HSD17B3: variants seen among roughly 807,000 people sequenced by gnomAD.
HSD17B3 encodes the protein 17-beta-hydroxysteroid dehydrogenase type 3.
In HSD17B3, 29 loss-of-function variants were observed where a neutral mutation model predicts 41.1. The ratio of observed to expected loss-of-function variants is 0.71; its 90% confidence interval spans 0.53 to 0.96. The LOEUF is 0.96. HSD17B3 is among the 40% of genes least tolerant of loss of function. HSD17B3 has a pLI of 0.00. For synonymous variants in HSD17B3, 126 were observed against 145.6 expected (o/e 0.87, Z 0.97); for missense variants, 323 against 374.6 (o/e 0.86, Z 1.14).
intron 1 of HSD17B3, 60 bp from the exon 2 acceptor site, chr9:96,298,522 C>G: frequency 6.9e-7 from 1 of 1,444,864 alleles, no homozygotes. Context: ...CTCTTTCTCA[C>G]TGGCCACGTT....
At chr9:96,276,678 G>A (rs926276388) in intron 2 of HSD17B3, among the ~76,000 whole-genome samples, 1 of 152,130 alleles carries the variant, frequency 6.6e-6, no homozygotes, top group Non-Finnish European at 1.5e-5. Flanking sequence ...TTCAACAAAT[G>A]GTGTTGGGAA....
intron 2 of HSD17B3, among the ~76,000 whole-genome samples, chr9:96,267,074 G>A (rs879824506): frequency 1.3e-5 from 2 of 152,062 alleles, no homozygotes; most frequent in Non-Finnish European, 2.9e-5. Context: ...AAGTGTGTAT[G>A]AGCAGTGGCT....
chr9:96,240,993 C>T (rs1836420119), intron 9 of HSD17B3, 86 bp from the exon 10 acceptor site: 1 of 1,498,240 alleles, frequency 6.7e-7, no homozygotes, highest in Non-Finnish European at 9.2e-7. Flanking sequence ...CCCCATCCCA[C>T]CATTTCCCGA....
At chr9:96,235,890 C>T (rs956859879) in intron 10 of HSD17B3, among the ~76,000 whole-genome samples, 1 of 152,006 alleles carries the variant, frequency 6.6e-6, no homozygotes. Flanking sequence ...ACTGCAGCCT[C>T]AACCTCCTGG....
chr9:96,247,842 C>T (rs1191363959), intron 6 of HSD17B3, among the ~76,000 whole-genome samples: 1 of 152,142 alleles, frequency 6.6e-6, no homozygotes, highest in East Asian at 1.9e-4. Context: ...CCCTCAAATG[C>T]ATATTCTCCC....
In HSD17B3 at chr9:96,272,210, A is replaced by G. The variant is rs541015243; in HGVS notation, c.202-17267T>C. Among the ~76,000 whole-genome samples the G allele has an allele frequency of 2.7e-5, 4 of 150,784 alleles. No homozygotes were observed. In the South Asian group the frequency reaches 8.5e-4, roughly 32 times the overall value. On this transcript the variant is annotated intron_variant, in intron 2 of 10. Transcript: ENST00000375263. ...ATGGTGAAACCCCATCTCTACTGAAAACACAAAAATGAGCCAGGTGTGGTG... is the reference window on the plus strand; with the variant it reads ...ATGGTGAAACCCCATCTCTACTGAAGACACAAAAATGAGCCAGGTGTGGTG...
chr9:96,271,432 C>T (rs1366867007), intron 2 of HSD17B3, among the ~76,000 whole-genome samples: 1 of 152,204 alleles, frequency 6.6e-6, no homozygotes, highest in Non-Finnish European at 1.5e-5. Context: ...AACTTGTTCT[C>T]TCCTTCTTCC....
intron 2 of HSD17B3, among the ~76,000 whole-genome samples, chr9:96,277,060 G>T (rs551673821): frequency 1.3e-5 from 2 of 152,164 alleles, no homozygotes; most frequent in South Asian, 4.2e-4. Context: ...AATTAGCTGG[G>T]CGTGGTGGCA....
chr9:96,249,525 A>C, intron 6 of HSD17B3: 1 of 589,384 alleles, frequency 1.7e-6, no homozygotes. Flanking sequence ...GACAAAACTG[A>C]AAGCAGAAAT....
At chr9:96,292,962 G>C (rs953743531) in intron 2 of HSD17B3, among the ~76,000 whole-genome samples, 1 of 152,170 alleles carries the variant, frequency 6.6e-6, no homozygotes, top group Non-Finnish European at 1.5e-5. Flanking sequence ...GAATGAAGGG[G>C]AAATGAAGCC....
At chr9:96,257,027 G>C (rs1383976201) in intron 2 of HSD17B3, among the ~76,000 whole-genome samples, 1 of 152,050 alleles carries the variant, frequency 6.6e-6, no homozygotes. Context: ...TCTTCCTGCT[G>C]CTCCAGGCAT....
rs749816800 is a variant in HSD17B3 at position 96,302,015 on chromosome 9, A to G, written c.90T>C (p.Cys30=). 5.0e-6 allele frequency: 8 copies of G among 1,614,078 alleles called. No individual in the cohort carries two copies. The highest frequency in any genetic ancestry group is 2.7e-5 in the African/African-American group (2 of 74,928). Residue 30 remains cysteine (C), a synonymous_variant, in exon 1 of 11, where the codon TGT becomes TGC. Coordinates refer to ENST00000375263, the MANE Select transcript of HSD17B3 (RefSeq NM_000197.2). ...AAACTTTCCAGTAGTTCAGTAAAAC[A>G]CATCTGGAGAATCTCACGCACTTCG... ...CLAKCVRFSR[C]VLLNYWKVLP... is the part of the protein sequence containing the mutation.
At chr9:96,259,794 A>G (rs150440466) in intron 2 of HSD17B3, among the ~76,000 whole-genome samples, 91 of 151,938 alleles carry the variant, frequency 6.0e-4, no homozygotes, top group East Asian at 3.3e-3. Context: ...TTATTTTTCT[A>G]TATATTCAAT....
chr9:96,287,024 C>T (rs564811171), intron 2 of HSD17B3, among the ~76,000 whole-genome samples: 1 of 152,282 alleles, frequency 6.6e-6, no homozygotes, highest in East Asian at 1.9e-4. Flanking sequence ...CGAGAACACT[C>T]TCTTGGGGTC....
At chr9:96,248,625 G>A (rs1260023598) in intron 6 of HSD17B3, among the ~76,000 whole-genome samples, 2 of 152,204 alleles carry the variant, frequency 1.3e-5, no homozygotes, top group African/African-American at 4.8e-5. Flanking sequence ...TGTGGGGTTA[G>A]TGCAGGTGGG....
chr9:96,280,245 T>C (rs574859354), intron 2 of HSD17B3, among the ~76,000 whole-genome samples: 31 of 152,348 alleles, frequency 2.0e-4, no homozygotes, highest in Non-Finnish European at 2.5e-4. Context: ...TCCATTCGAT[T>C]GGTTGGGAGA....
intron 2 of HSD17B3, among the ~76,000 whole-genome samples, chr9:96,294,871 T>G (rs1827286195): frequency 6.6e-6 from 1 of 152,110 alleles, no homozygotes; most frequent in South Asian, 2.1e-4. Flanking sequence ...TGTTCACCAG[T>G]AAGTTGCTAT....
chr9:96,267,443 T>C (rs1277892934), intron 2 of HSD17B3, among the ~76,000 whole-genome samples: 3 of 151,952 alleles, frequency 2.0e-5, no homozygotes, highest in Non-Finnish European at 2.9e-5. Context: ...CAGGTGTGAG[T>C]CACCGTGCCT....
intron 2 of HSD17B3, among the ~76,000 whole-genome samples, chr9:96,259,487 C>T (rs1050103742): frequency 6.6e-6 from 1 of 152,162 alleles, no homozygotes; most frequent in African/African-American, 2.4e-5. Flanking sequence ...CTTTGGGAGG[C>T]CGAGGTGGGC....
Sources: gnomAD v4.1 joint callset for allele counts (sites outside exome capture counted in the v4.1 genomes callset) on GRCh38, gnomAD v4.1.1 for gene constraint, MANE v1.5 for transcripts, NCBI Gene and HGNC (gene_info 2026-07-23, HGNC 2026-07-21) for gene names.